PLXNA4: variants seen among roughly 807,000 people sequenced by gnomAD.
PLXNA4 encodes the protein plexin-A4.
In PLXNA4, 44 loss-of-function variants were observed where a neutral mutation model predicts 191.8. The ratio of observed to expected loss-of-function variants is 0.23; its 90% confidence interval spans 0.18 to 0.29. The LOEUF is 0.29. Ranked by LOEUF, PLXNA4 falls within the 10% of genes least tolerant of loss-of-function variation. The pLI, the probability that PLXNA4 is intolerant of heterozygous loss-of-function variation, is 1.00. For missense variants in PLXNA4, 1,800 were observed against 2,488.8 expected (o/e 0.72, Z 5.89); for synonymous variants, 1,082 against 1,009.5 (o/e 1.07, Z -1.36).
Position 132,598,878 on chromosome 7 carries a change from ATCT to A in PLXNA4, c.-87+47047_-87+47049del, listed in dbSNP as rs201444530. On this transcript the variant is annotated intron_variant, in intron 2 of 4. Transcript: ENST00000378539. ...TCCTTTATTCTAGGTCTCAAAGGAA[ATCT>A]TCTTTTAACCTTATAGTTTAGTCCT... is the stretch of plus-strand genomic sequence containing the variant. Among the ~76,000 whole-genome samples the A allele has an allele frequency of 3.2e-4, 49 of 152,318 alleles. No individual in the cohort carries two copies. The East Asian group carries it at 4.4e-3, about 14-fold the overall frequency.
In PLXNA4 at chr7:132,145,274, C is replaced by T. The variant is rs758225185; in HGVS notation, c.5070G>A (p.Lys1690=). 5 of 1,614,098 alleles carry T rather than the reference C, an allele frequency of 3.1e-6. No homozygotes were observed. Among genetic ancestry groups the T allele is most frequent in the Admixed American group, 1.7e-5 (1 of 60,008 alleles). The stretch of plus-strand genomic sequence containing the variant: ...TGGTCTCAAAGAGGTCATCCACAAA[C>T]TTCTGCAGTGTGCCCTGGAGAGGCA... ...RLLATKGTLQ[K]FVDDLFETIF... Residue 1690 remains lysine, a synonymous_variant, in exon 29 of 32, where the codon AAG becomes AAA. Transcript: ENST00000321063.
At chr7:132,576,667 G>T, upstream of PLXNA4, 1 of 916,166 alleles carries the variant, frequency 1.1e-6, no homozygotes, top group Non-Finnish European at 1.3e-6. The surrounding 1 kb of genome is among the most constrained non-coding windows in gnomAD (Gnocchi z 5.8). Context: ...GGCGTCCAAG[G>T]TGGGCGTAAT....
At chr7:132,534,349 C>T (rs1346787609) in intron 1 of PLXNA4, among the ~76,000 whole-genome samples, 1 of 152,164 alleles carries the variant, frequency 6.6e-6, no homozygotes, top group Non-Finnish European at 1.5e-5. Context: ...ATTAGACCCC[C>T]TCCCCTCTGT....
intron 16 of PLXNA4, among the ~76,000 whole-genome samples, chr7:132,182,450 A>G (rs1258682723): frequency 6.6e-6 from 1 of 152,128 alleles, no homozygotes; most frequent in African/African-American, 2.4e-5. Context: ...GTGGAGGCCC[A>G]GTCAACAGCA....
intron 4 of PLXNA4, among the ~76,000 whole-genome samples, chr7:132,289,973 G>A (rs947563002): frequency 1.6e-4 from 25 of 152,152 alleles, no homozygotes; most frequent in African/African-American, 1.7e-4. Context: ...ACTGGTTTAC[G>A]CTGGAAGGAG....
At chr7:132,389,113 GTTGT>G (rs955882915) in intron 3 of PLXNA4, among the ~76,000 whole-genome samples, 3 of 152,102 alleles carry the variant, frequency 2.0e-5, no homozygotes, top group African/African-American at 7.2e-5. Context: ...TTTTGATTGG[GTTGT>G]TTTTTTTCTT....
intron 4 of PLXNA4, among the ~76,000 whole-genome samples, chr7:132,252,312 T>TG (rs1411016288): frequency 2.9e-4 from 34 of 118,770 alleles, no homozygotes; most frequent in African/African-American, 1.2e-3. Context: ...TTTTTTTTTT[T>TG]TTTTTTTTTT....
At chr7:132,531,887 G>C (rs1799628095) in intron 1 of PLXNA4, among the ~76,000 whole-genome samples, 1 of 152,154 alleles carries the variant, frequency 6.6e-6, no homozygotes. Flanking sequence ...AACACTCATA[G>C]CCCAGGGAGG....
chr7:132,192,648 T>C (rs1422132222), intron 14 of PLXNA4, among the ~76,000 whole-genome samples: 1 of 152,096 alleles, frequency 6.6e-6, no homozygotes, highest in Non-Finnish European at 1.5e-5. Flanking sequence ...AGGCATAAAA[T>C]CCATCACTTC....
intron 2 of PLXNA4, among the ~76,000 whole-genome samples, chr7:132,587,508 A>G (rs558505928): frequency 6.6e-6 from 1 of 152,144 alleles, no homozygotes; most frequent in Non-Finnish European, 1.5e-5. Flanking sequence ...GGATTGAATG[A>G]CTCTGATGTC....
At chr7:132,580,914 C>A (rs1156987755), upstream of PLXNA4, among the ~76,000 whole-genome samples, 1 of 152,134 alleles carries the variant, frequency 6.6e-6, no homozygotes, top group African/African-American at 2.4e-5. Flanking sequence ...TGCAGGACAG[C>A]AGGAATATCA....
chr7:132,200,841 T>G (rs1317278074), intron 12 of PLXNA4, among the ~76,000 whole-genome samples: 1 of 152,250 alleles, frequency 6.6e-6, no homozygotes, highest in African/African-American at 2.4e-5. Flanking sequence ...ACCATGTTAC[T>G]GACACTTTGG....
At chr7:132,607,459 A>G (rs973579120) in intron 2 of PLXNA4, among the ~76,000 whole-genome samples, 2 of 152,246 alleles carry the variant, frequency 1.3e-5, no homozygotes, top group African/African-American at 4.8e-5. Context: ...TACTGAGCAG[A>G]TGAGAAATCA....
At chr7:132,625,878 G>A (rs762889570) in intron 2 of PLXNA4, among the ~76,000 whole-genome samples, 8 of 152,172 alleles carry the variant, frequency 5.3e-5, no homozygotes, top group Non-Finnish European at 1.0e-4. Flanking sequence ...CTGCTCTCAC[G>A]GAGTTTACAT....
At chr7:132,207,218 G>A (rs1797653964) in intron 10 of PLXNA4, among the ~76,000 whole-genome samples, 1 of 152,194 alleles carries the variant, frequency 6.6e-6, no homozygotes, top group Non-Finnish European at 1.5e-5. Flanking sequence ...CCATGTCCCA[G>A]TAAAGTAGAA....
At chr7:132,403,534 C>A (rs1236260215) in intron 3 of PLXNA4, among the ~76,000 whole-genome samples, 1 of 152,174 alleles carries the variant, frequency 6.6e-6, no homozygotes, top group Non-Finnish European at 1.5e-5. Flanking sequence ...TAAATCATCT[C>A]CCTCTCACTT....
intron 3 of PLXNA4, among the ~76,000 whole-genome samples, chr7:132,305,387 C>CACACACACACAT: frequency 6.6e-6 from 1 of 151,804 alleles, no homozygotes; most frequent in South Asian, 2.1e-4. Flanking sequence ...CACACACACA[C>CACACACACACAT]ACACACACAC....
chr7:132,446,763 G>C (rs1336306307), intron 3 of PLXNA4, among the ~76,000 whole-genome samples: 1 of 152,180 alleles, frequency 6.6e-6, no homozygotes, highest in African/African-American at 2.4e-5. Flanking sequence ...AGGAAATAGA[G>C]AGTCAACAAG....
At chr7:132,191,996 T>C (rs1268084620) in intron 14 of PLXNA4, among the ~76,000 whole-genome samples, 1 of 152,130 alleles carries the variant, frequency 6.6e-6, no homozygotes, top group Non-Finnish European at 1.5e-5. Flanking sequence ...AAATGACTCG[T>C]CCATGAACCC....
Sources: allele counts gnomAD v4.1 joint callset (sites outside exome capture counted in the v4.1 genomes callset), GRCh38; gene constraint gnomAD v4.1.1; non-coding constraint Gnocchi (gnomAD v3.1); transcripts MANE v1.5; gene names NCBI Gene and HGNC (gene_info 2026-07-23, HGNC 2026-07-21).